Variants in PTPRD observed in about 807,000 individuals in gnomAD.
PTPRD encodes protein tyrosine phosphatase receptor type D.
Under a neutral mutation model 214.5 loss-of-function variants are expected in PTPRD, and 34 were observed. The observed-to-expected ratio is 0.16, with a 90% CI of 0.12 to 0.21. The LOEUF (loss-of-function observed/expected upper bound fraction) is 0.21, where lower values mean the gene tolerates loss of function less well. Among genes scored for constraint, PTPRD ranks in the 10% least tolerant of loss-of-function variants. The pLI, the probability that PTPRD is intolerant of heterozygous loss-of-function variation, is 1.00. For missense variants in PTPRD, 2,545 were observed against 2,398.7 expected (o/e 1.06, Z -1.27); for synonymous variants, 1,128 against 845.7 (o/e 1.33, Z -5.79).
Position 10,452,626 on chromosome 9 carries a change from G to GA in PTPRD, c.-599-111610dup, listed in dbSNP as rs1481663247. 2.6e-5 allele frequency among the ~76,000 whole-genome samples: 4 copies of GA among 151,618 alleles called. No homozygotes were observed. The East Asian group carries it at 7.8e-4, about 29-fold the overall frequency. On this transcript the variant is annotated intron_variant, in intron 2 of 45. Transcript: ENST00000381196. ...CCTAGTGGCCATTTGTATGTCTTCT[G>GA]AAAAAATGTCTATTCATTTAAAAAA...
chr9:9,728,427 G>T (rs2098129833), intron 7 of PTPRD, among the ~76,000 whole-genome samples: 1 of 152,126 alleles, frequency 6.6e-6, no homozygotes, highest in Non-Finnish European at 1.5e-5. Context: ...TATGTGTGAA[G>T]AAAAGAAGTT....
intron 8 of PTPRD, among the ~76,000 whole-genome samples, chr9:9,542,333 A>G (rs1012352539): frequency 1.3e-5 from 2 of 151,730 alleles, no homozygotes; most frequent in African/African-American, 4.8e-5. Context: ...AAGATCATGG[A>G]CCTGTACGAA....
chr9:9,403,290 C>CAAAAAAAAAAAAAAAAAAAAAA (rs56105335), intron 8 of PTPRD, among the ~76,000 whole-genome samples: 2 of 60,658 alleles, frequency 3.3e-5, no homozygotes, highest in African/African-American at 1.5e-4. Flanking sequence ...TACTCTGTCT[C>CAAAAAAAAAAAAAAAAAAAAAA]AAAAAAAAAA....
intron 11 of PTPRD, among the ~76,000 whole-genome samples, chr9:8,822,914 A>G (rs1050563527): frequency 2.2e-4 from 34 of 152,116 alleles, no homozygotes; most frequent in African/African-American, 7.7e-4. Flanking sequence ...ATTCCTCCAA[A>G]CTAAGCCCAG....
chr9:8,788,399 C>T (rs951089401), intron 11 of PTPRD, among the ~76,000 whole-genome samples: 7 of 151,554 alleles, frequency 4.6e-5, no homozygotes, highest in African/African-American at 1.5e-4. Context: ...CCTCAGCCTC[C>T]CGAGTAGCTG....
At chr9:8,794,537 T>G (rs1162009663) in intron 11 of PTPRD, among the ~76,000 whole-genome samples, 2 of 145,692 alleles carry the variant, frequency 1.4e-5, no homozygotes, top group African/African-American at 5.1e-5. Context: ...TTAGACAAAG[T>G]CTCATTATGT....
At chr9:8,740,951 A>G (rs966484677) in intron 11 of PTPRD, among the ~76,000 whole-genome samples, 1 of 152,188 alleles carries the variant, frequency 6.6e-6, no homozygotes, top group African/African-American at 2.4e-5. Flanking sequence ...CACTTAAAAG[A>G]TCCCTTATAT....
chr9:8,969,586 A>G (rs1452519345), intron 11 of PTPRD, among the ~76,000 whole-genome samples: 1 of 152,100 alleles, frequency 6.6e-6, no homozygotes, highest in Non-Finnish European at 1.5e-5. Flanking sequence ...AATAAGATAC[A>G]GAATGAGTTC....
chr9:8,471,067 A>G lies in PTPRD; in HGVS notation c.3432T>C (p.Ile1144=), dbSNP rs760134770. The change falls in exon 31 of 46, where the codon ATT becomes ATC. Residue 1144 remains isoleucine (I), a synonymous_variant. Coordinates refer to ENST00000381196, the MANE Select transcript of PTPRD (RefSeq NM_002839.4). The stretch of plus-strand genomic sequence containing the variant: ...TCCCGCGAGATTTCTTCAAAGGCAC[A>G]ATTATTATGTAGTAACCTCTGCACA... ...NENIKGYYII[I]VPLKKSRGKF... 49 of 1,613,240 alleles carry G rather than the reference A, an allele frequency of 3.0e-5. No individual in the cohort carries two copies. Among genetic ancestry groups the G allele is most frequent in the Non-Finnish European group, 3.8e-5 (45 of 1,179,432 alleles).
chr9:9,851,693 T>A (rs1039122048), intron 5 of PTPRD, among the ~76,000 whole-genome samples: 3 of 152,166 alleles, frequency 2.0e-5, no homozygotes, highest in Admixed American at 2.0e-4. Flanking sequence ...GGCAGAAGGA[T>A]CACTTGAACG....
chr9:10,487,966 GTCTCTCTC>G lies in PTPRD; in HGVS notation c.-600+124424_-600+124431del, dbSNP rs56372955. 7.9e-3 allele frequency among the ~76,000 whole-genome samples: 876 copies of G among 110,274 alleles called. 9 individuals carry two copies. The highest frequency in any genetic ancestry group is 0.023 in the African/African-American group (601 of 25,934). The allele number at this position is 110,274 out of a possible 152,430, so 72.3% of individuals were successfully genotyped here. ...CCTTAATTTCTCCCAAATGAACACA[GTCTCTCTC>G]TCTCTCTCTCTCTCTCTCTCTCTCT... On this transcript the variant is annotated intron_variant, in intron 2 of 45. Coordinates refer to ENST00000381196, the MANE Select transcript of PTPRD (RefSeq NM_002839.4).
intron 11 of PTPRD, among the ~76,000 whole-genome samples, chr9:8,756,503 T>A (rs141882532): frequency 1.1e-3 from 168 of 152,294 alleles, no homozygotes; most frequent in African/African-American, 3.8e-3. Flanking sequence ...CAAAGGAGAC[T>A]GTGGTATCCA....
intron 8 of PTPRD, among the ~76,000 whole-genome samples, chr9:9,521,775 A>C (rs1041312285): frequency 6.6e-6 from 1 of 152,204 alleles, no homozygotes; most frequent in Non-Finnish European, 1.5e-5. Flanking sequence ...GGATGCTGAG[A>C]CATTGCTATT....
At chr9:10,486,898 TGG>T (rs2099136414) in intron 2 of PTPRD, among the ~76,000 whole-genome samples, 1 of 152,174 alleles carries the variant, frequency 6.6e-6, no homozygotes, top group African/African-American at 2.4e-5. Flanking sequence ...GTTGAATATG[TGG>T]TGTTGAAATC....
At chr9:10,470,156 G>A (rs999465421) in intron 2 of PTPRD, among the ~76,000 whole-genome samples, 1 of 152,026 alleles carries the variant, frequency 6.6e-6, no homozygotes, top group Non-Finnish European at 1.5e-5. Flanking sequence ...AATGTTTGAG[G>A]TAATGGATGT....
chr9:9,323,765 A>G (rs1223704294), intron 9 of PTPRD, among the ~76,000 whole-genome samples: 2 of 152,152 alleles, frequency 1.3e-5, no homozygotes, highest in Non-Finnish European at 2.9e-5. Context: ...ATATGTATAC[A>G]TGTGCCATGT....
intron 2 of PTPRD, among the ~76,000 whole-genome samples, chr9:10,366,258 T>C (rs2097514392): frequency 6.6e-6 from 1 of 152,120 alleles, no homozygotes; most frequent in Admixed American, 6.6e-5. Context: ...GAAACCCAAC[T>C]GGAGAGAAAA....
intron 2 of PTPRD, among the ~76,000 whole-genome samples, chr9:10,570,208 C>T (rs957555851): frequency 2.6e-5 from 4 of 152,098 alleles, no homozygotes; most frequent in East Asian, 1.9e-4. Flanking sequence ...TATCCATACT[C>T]TCCATTTTGA....
intron 36 of PTPRD, among the ~76,000 whole-genome samples, chr9:8,395,781 C>T (rs185327811): frequency 6.6e-6 from 1 of 151,916 alleles, no homozygotes; most frequent in Non-Finnish European, 1.5e-5. Flanking sequence ...TTTTCCATAC[C>T]CCCACACTGC....
Sources: allele counts gnomAD v4.1 joint callset (sites outside exome capture counted in the v4.1 genomes callset), GRCh38; gene constraint gnomAD v4.1.1; transcripts MANE v1.5; gene names NCBI Gene and HGNC (gene_info 2026-07-23, HGNC 2026-07-21).